XKR9: variants seen among roughly 807,000 people sequenced by gnomAD.
The protein encoded by XKR9 is XK related 9, also known as XK-related protein 9.
Under a neutral mutation model 32.0 loss-of-function variants are expected in XKR9, and 32 were observed. That is an observed-to-expected ratio of 1.00 (90% confidence interval 0.76 to 1.34). The LOEUF is 1.34. Ranked by LOEUF, XKR9 falls within the 40% of genes most tolerant of loss-of-function variation. The probability of loss-of-function intolerance (pLI) is 0.00; values close to 1 mark genes in which losing one functional copy is unlikely to be tolerated. For missense variants in XKR9, 546 were observed against 429.7 expected, an observed-to-expected ratio of 1.27 and a Z score of -2.39; for synonymous variants, 168 against 143.4, an observed-to-expected ratio of 1.17 and a Z score of -1.22.
At chr8:70,953,159 C>T in the XKR9 span, among the ~76,000 whole-genome samples, 1 of 152,188 alleles carries the variant, frequency 6.6e-6, no homozygotes, top group African/African-American at 2.4e-5. Flanking sequence ...CTACATTAGA[C>T]TTTGAAACAA....
the XKR9 span, among the ~76,000 whole-genome samples, chr8:70,800,482 A>G: frequency 2.6e-5 from 4 of 152,206 alleles, no homozygotes; most frequent in African/African-American, 9.6e-5. Context: ...CTGTAAGTCC[A>G]TCTGCTATGG....
At chr8:70,991,378 G>T in the XKR9 span, among the ~76,000 whole-genome samples, 2 of 152,202 alleles carry the variant, frequency 1.3e-5, no homozygotes, top group East Asian at 3.9e-4. Flanking sequence ...TTTACATTTT[G>T]ATTTTATTAA....
the XKR9 span, among the ~76,000 whole-genome samples, chr8:71,034,025 C>A: frequency 9.2e-5 from 14 of 152,142 alleles, no homozygotes; most frequent in Non-Finnish European, 1.9e-4. Context: ...ACTTTAATTC[C>A]TCTTTTCTTG....
chr8:70,909,777 C>G, the XKR9 span, among the ~76,000 whole-genome samples: 1 of 138,878 alleles, frequency 7.2e-6, no homozygotes, highest in African/African-American at 2.7e-5. Context: ...GGCATGATCT[C>G]AGCTCGCTGC....
At chr8:70,780,946 T>C (rs2130251859) in intron 2 of XKR9, 1 of 152,030 alleles carries the variant, frequency 6.6e-6, no homozygotes, top group East Asian at 1.9e-4. Flanking sequence ...TGGAGAGTTG[T>C]ATACCAACTT....
chr8:70,722,512 C>T (rs1339767458), intron 4 of XKR9, among the ~76,000 whole-genome samples: 1 of 152,114 alleles, frequency 6.6e-6, no homozygotes, highest in Non-Finnish European at 1.5e-5. Flanking sequence ...AATCCCTCAG[C>T]ATTTGCTTGT....
At chr8:70,839,489 C>T in the XKR9 span, among the ~76,000 whole-genome samples, 5 of 152,058 alleles carry the variant, frequency 3.3e-5, no homozygotes, top group South Asian at 2.1e-4. Flanking sequence ...CAAACATAGC[C>T]GCCAACATTA....
At chr8:70,749,783 G>C (rs1447449635) in intron 2 of XKR9, among the ~76,000 whole-genome samples, 3 of 152,224 alleles carry the variant, frequency 2.0e-5, no homozygotes, top group Non-Finnish European at 2.9e-5. Flanking sequence ...GTTTCTGGCT[G>C]GTGACAGACC....
chr8:70,806,704 G>A, the XKR9 span, among the ~76,000 whole-genome samples: 1 of 151,972 alleles, frequency 6.6e-6, no homozygotes, highest in South Asian at 2.1e-4. Flanking sequence ...AAGGCATGCA[G>A]ACAAGACTAG....
intron 4 of XKR9, among the ~76,000 whole-genome samples, chr8:70,717,464 G>A (rs968902252): frequency 5.9e-5 from 9 of 152,184 alleles, no homozygotes; most frequent in Admixed American, 4.6e-4. Context: ...TGCAGGCCCA[G>A]TACCACTTGT....
downstream of XKR9, chr8:70,790,379 G>T (rs968975980): frequency 6.6e-6 from 1 of 151,888 alleles, no homozygotes; most frequent in African/African-American, 2.4e-5. Flanking sequence ...ATTTTTAATT[G>T]TCTAAAAAAC....
At chr8:70,904,980 T>G in the XKR9 span, among the ~76,000 whole-genome samples, 1 of 152,248 alleles carries the variant, frequency 6.6e-6, no homozygotes, top group Non-Finnish European at 1.5e-5. Context: ...GAGTTTCTGC[T>G]GAGAGATCAG....
chr8:70,756,656 G>C (rs938635312), intron 2 of XKR9, among the ~76,000 whole-genome samples: 1 of 151,840 alleles, frequency 6.6e-6, no homozygotes, highest in African/African-American at 2.4e-5. Flanking sequence ...TTTCATTTTT[G>C]GATTGCTCAT....
intron 2 of XKR9, among the ~76,000 whole-genome samples, chr8:70,757,613 G>C (rs1397815894): frequency 6.6e-6 from 1 of 151,968 alleles, no homozygotes; most frequent in East Asian, 1.9e-4. Context: ...TTATGACAGA[G>C]TCTTGCTCTG....
At chr8:70,955,456 G>A in the XKR9 span, among the ~76,000 whole-genome samples, 270 of 152,322 alleles carry the variant, frequency 1.8e-3, no homozygotes, top group Admixed American at 3.5e-3. Flanking sequence ...TGGGGAAGGA[G>A]GGATTTATTA....
the XKR9 span, among the ~76,000 whole-genome samples, chr8:70,967,292 A>G: frequency 9.9e-5 from 15 of 151,888 alleles, no homozygotes; most frequent in African/African-American, 2.7e-4. Context: ...GATGGTCTTG[A>G]TCTCCTGACC....
the XKR9 span, among the ~76,000 whole-genome samples, chr8:71,057,176 A>G: frequency 6.6e-6 from 1 of 152,184 alleles, no homozygotes; most frequent in East Asian, 1.9e-4. Flanking sequence ...AAAACTTCAC[A>G]CAACAGTCAG....
chr8:70,896,684 AT>A, the XKR9 span, among the ~76,000 whole-genome samples: 1 of 149,852 alleles, frequency 6.7e-6, no homozygotes, highest in African/African-American at 2.5e-5. Context: ...TCTTAGATAT[AT>A]TTTTTCCTTC....
At chr8:71,021,359 T>C in the XKR9 span, among the ~76,000 whole-genome samples, 14 of 152,188 alleles carry the variant, frequency 9.2e-5, no homozygotes, top group Admixed American at 2.0e-4. Flanking sequence ...TTGCTCGTTT[T>C]TATTGGATGC....
Sources: allele counts gnomAD v4.1 joint callset (sites outside exome capture counted in the v4.1 genomes callset), GRCh38; gene constraint gnomAD v4.1.1; transcripts MANE v1.5; gene names NCBI Gene and HGNC (gene_info 2026-07-23, HGNC 2026-07-21).